The following KLF13 variants were observed in gnomAD, a reference collection of about 807,000 sequenced individuals.
KLF13 encodes the protein Krueppel-like factor 13.
A neutral mutation model predicts 16.7 loss-of-function variants in KLF13; 8 were observed. That is an observed-to-expected ratio of 0.48 (90% CI 0.28 to 0.87). The LOEUF is 0.87. KLF13 is among the 40% of genes least tolerant of loss of function. The pLI is 0.10. For missense variants in KLF13, 447 were observed against 452.2 expected (o/e 0.99, Z 0.10); for synonymous variants, 245 against 208.4 (o/e 1.18, Z -1.51).
At position 31,335,204 on chromosome 15, in the gene KLF13, G is replaced by A. The variant is rs570111794; in HGVS notation, c.577+7415G>A. Among the ~76,000 whole-genome samples, 18 of 152,254 alleles carry A rather than the reference G, an allele frequency of 1.2e-4. No homozygotes were observed. The South Asian group carries it at 2.3e-3, about 19-fold the overall frequency. The stretch of plus-strand genomic sequence containing the variant: ...TAGTTCAGTTTTAGATCTTAGGTCC[G>A]TCTTCATCCCCAGCAAATGTTACCA... On this transcript the variant is annotated intron_variant, in intron 1 of 1. Coordinates refer to ENST00000307145, the MANE Select transcript of KLF13 (RefSeq NM_015995.4).
At chr15:31,396,760 C>A (rs527644366) in intron 2 of KLF13, among the ~76,000 whole-genome samples, 1 of 152,258 alleles carries the variant, frequency 6.6e-6, no homozygotes, top group East Asian at 1.9e-4. Context: ...CTGCGTGACT[C>A]CTAAACCATA....
intron 2 of KLF13, among the ~76,000 whole-genome samples, chr15:31,399,102 G>T (rs1325614471): frequency 6.6e-6 from 1 of 152,138 alleles, no homozygotes; most frequent in East Asian, 1.9e-4. Context: ...GACTCCACTG[G>T]GCAAAGTTGC....
In KLF13 at chr15:31,372,005, C is replaced by T. The variant is rs550486532; in HGVS notation, c.578-5C>T. 43 of 1,598,608 alleles carry T rather than the reference C, an allele frequency of 2.7e-5. 1 individual carries two copies. The South Asian group carries it at 4.8e-4, about 18-fold the overall frequency. ...GATACTGATGCTCTGCCCCTGTGCC[C>T]ACAGGTGAGAGGCCCTTCGCCTGCA... On this transcript the variant is annotated splice_polypyrimidine_tract_variant and splice_region_variant and intron_variant, in intron 1 of 1. Transcript: ENST00000307145.
At chr15:31,419,596 A>T (rs2040297415) in intron 1 of KLF13, among the ~76,000 whole-genome samples, 1 of 152,246 alleles carries the variant, frequency 6.6e-6, no homozygotes, top group Non-Finnish European at 1.5e-5. Flanking sequence ...AGTTGAAGAC[A>T]GATAATTTGA....
At chr15:31,434,609 C>T (rs1283014769) in intron 1 of KLF13, among the ~76,000 whole-genome samples, 1 of 152,174 alleles carries the variant, frequency 6.6e-6, no homozygotes. Context: ...GTCTGGAGCT[C>T]CCTGGTTCCA....
intron 1 of KLF13, among the ~76,000 whole-genome samples, chr15:31,410,288 A>G (rs2040176237): frequency 6.6e-6 from 1 of 152,064 alleles, no homozygotes; most frequent in Admixed American, 6.5e-5. Context: ...GAACAATAAA[A>G]AGTCTTCAGC....
chr15:31,401,795 G>A (rs995284807), intron 2 of KLF13, among the ~76,000 whole-genome samples: 2 of 152,194 alleles, frequency 1.3e-5, no homozygotes, highest in African/African-American at 4.8e-5. Flanking sequence ...TGGCTGCATG[G>A]CCCACTTCAG....
intron 1 of KLF13, among the ~76,000 whole-genome samples, chr15:31,434,556 A>C (rs1428909928): frequency 6.6e-6 from 1 of 152,176 alleles, no homozygotes; most frequent in African/African-American, 2.4e-5. Flanking sequence ...GGTCTTTGCT[A>C]TCTCAGGGGC....
At chr15:31,350,524 A>G (rs899208896) in intron 1 of KLF13, among the ~76,000 whole-genome samples, 3 of 152,230 alleles carry the variant, frequency 2.0e-5, no homozygotes, top group Non-Finnish European at 4.4e-5. Context: ...AGTGTAGGAA[A>G]TTATGCCCCT....
rs529856795 is a variant in KLF13 at position 31,396,783 on chromosome 15, T to C, written n.529+3092T>C. On this transcript the variant is annotated intron_variant and non_coding_transcript_variant, in intron 2 of 2. Transcript: ENST00000500533. ...CTCCTAAACCATAATTTCTAATTTT[T>C]TGGCTAATTTATTAGTCCTAGCTAC... Among the ~76,000 whole-genome samples the C allele has an allele frequency of 2.0e-5, 3 of 152,348 alleles. No individual in the cohort carries two copies. The East Asian group carries it at 5.8e-4, about 29-fold the overall frequency.
chr15:31,420,921 G>A (rs2040314842), intron 1 of KLF13, among the ~76,000 whole-genome samples: 1 of 152,088 alleles, frequency 6.6e-6, no homozygotes, highest in Non-Finnish European at 1.5e-5. Flanking sequence ...ACAAACTCCT[G>A]ACCTCAGGTG....
chr15:31,413,250 C>T (rs2040218594), intron 1 of KLF13, among the ~76,000 whole-genome samples: 1 of 125,996 alleles, frequency 7.9e-6, no homozygotes, highest in African/African-American at 2.8e-5. Flanking sequence ...CACCATTAAA[C>T]ATAACAACAT....
At chr15:31,352,837 A>G (rs2039237772) in intron 1 of KLF13, among the ~76,000 whole-genome samples, 1 of 152,234 alleles carries the variant, frequency 6.6e-6, no homozygotes, top group Non-Finnish European at 1.5e-5. Context: ...AGGATTGAGC[A>G]TCACCAGATA....
At chr15:31,410,573 ACAC>A (rs2040179480) in intron 1 of KLF13, among the ~76,000 whole-genome samples, 2 of 144,794 alleles carry the variant, frequency 1.4e-5, no homozygotes, top group South Asian at 2.1e-4. Context: ...CAGACAGTAA[ACAC>A]CAACCAACAC....
Position 31,327,586 on chromosome 15 carries a change from C to T in KLF13, c.374C>T (p.Pro125Leu), listed in dbSNP as rs1380873436. 6 of 1,223,942 alleles carry T rather than the reference C, an allele frequency of 4.9e-6. No individual in the cohort carries two copies. Among genetic ancestry groups the T allele is most frequent in the Non-Finnish European group, 1.0e-6 (1 of 971,734 alleles). The allele number at this position is 1,223,942 out of a possible 1,614,324, so 75.8% of individuals were successfully genotyped here. The stretch of plus-strand genomic sequence containing the variant: ...CCCCCCAGCCCGGCGTGGAGCGAGC[C>T]GGAGCCCGAGGCGGGGCTGGAGCCC... ...AAPPSPAWSE[P>L]EPEAGLEPER... Residue 125 changes from proline to leucine, a missense_variant, in exon 1 of 2, where the codon CCG becomes CTG. Around this residue, in one of 2 missense-constraint regions of KLF13, gnomAD observed 359 missense variants for 282.8 expected, o/e 1.27. Coordinates refer to ENST00000307145, the MANE Select transcript of KLF13 (RefSeq NM_015995.4).
At chr15:31,413,206 A>ACC (rs375220547) in intron 1 of KLF13, among the ~76,000 whole-genome samples, 23 of 145,516 alleles carry the variant, frequency 1.6e-4, no homozygotes, top group Admixed American at 2.8e-4. Flanking sequence ...AAAAAAACAA[A>ACC]AAACAAAAAA....
At chr15:31,420,679 T>G (rs2040311293) in intron 1 of KLF13, 1 of 329,086 alleles carries the variant, frequency 3.0e-6, no homozygotes, top group Middle Eastern at 1.1e-3. Flanking sequence ...GCCCAGACTG[T>G]CCTTTTTTTT....
chr15:31,348,176 T>A lies in KLF13; in HGVS notation c.577+20387T>A, dbSNP rs567761661. Among the ~76,000 whole-genome samples, 3 of 152,306 alleles carry A rather than the reference T, an allele frequency of 2.0e-5. No individual in the cohort carries two copies. The East Asian group carries it at 5.8e-4, about 29-fold the overall frequency. The stretch of plus-strand genomic sequence containing the variant: ...GCCACTCCTCCTCCCGTGGATTGCC[T>A]GTGGAGCTGGGACAGGCAGCTTGCC... On this transcript the variant is annotated intron_variant, in intron 1 of 1. Transcript: ENST00000307145.
chr15:31,339,012 G>C (rs775020786), intron 1 of KLF13, among the ~76,000 whole-genome samples: 5 of 152,120 alleles, frequency 3.3e-5, no homozygotes, highest in Non-Finnish European at 5.9e-5. Context: ...GAGACACTGT[G>C]GGGGAGGCTG....
Sources: gnomAD v4.1 joint callset for allele counts (sites outside exome capture counted in the v4.1 genomes callset) on GRCh38, gnomAD v4.1.1 for gene constraint, gnomAD v4.1.1 regional missense constraint, MANE v1.5 for transcripts, NCBI Gene and HGNC (gene_info 2026-07-23, HGNC 2026-07-21) for gene names.